The following HGF variants were observed in gnomAD, a reference collection of about 807,000 sequenced individuals.
HGF encodes fibroblast-derived tumor cytotoxic factor.
HGF carries 39 observed loss-of-function variants against 111.6 expected under a neutral mutation model. The ratio of observed to expected loss-of-function variants is 0.35; its 90% CI spans 0.27 to 0.46. The LOEUF is 0.46. Among genes scored for constraint, HGF ranks in the 20% least tolerant of loss-of-function variants. HGF has a pLI of 1.00. For synonymous variants in HGF, 285 were observed against 294.8 expected (o/e 0.97, Z 0.34); for missense variants, 735 against 910.5 (o/e 0.81, Z 2.48).
At position 81,706,287 on chromosome 7, in the gene HGF, C is replaced by A; in HGVS notation, c.1757G>T (p.Arg586Met). 6.2e-7 allele frequency: 1 copy of A among 1,612,388 alleles called. No individual in the cohort carries two copies. The highest frequency in any genetic ancestry group is 8.5e-7 in the Non-Finnish European group (1 of 1,178,918). Residue 586 changes from arginine (R) to methionine (M), a missense_variant and splice_region_variant, in exon 15 of 18, where the codon AGG becomes ATG. Around this residue, in one of 3 missense-constraint regions of HGF, gnomAD observed 130 missense variants for 129.9 expected, o/e 1.00. Transcript: ENST00000222390. ...TACAAAATCTTCTAAAGTAACTAACCTGGCAAGCTTCATTAAAACCAGATC... is the reference window on the plus strand; with the variant it reads ...TACAAAATCTTCTAAAGTAACTAACATGGCAAGCTTCATTAAAACCAGATC... ...GSDLVLMKLA[R>M]PAVLDDFVST...
intron 1 of HGF, among the ~76,000 whole-genome samples, chr7:81,765,739 A>G (rs13243759): frequency 9.7e-4 from 147 of 152,322 alleles, no homozygotes; most frequent in Non-Finnish European, 1.9e-3. Flanking sequence ...AGCATCTGAA[A>G]ATAAAATTCC....
chr7:81,705,762 A>G lies in HGF; in HGVS notation c.1758-9T>C. 3 of 1,513,932 alleles carry G rather than the reference A, an allele frequency of 2.0e-6. No individual in the cohort carries two copies. The highest frequency in any genetic ancestry group is 2.8e-6 in the Non-Finnish European group (3 of 1,089,244). 93.8% of individuals were successfully genotyped at this position (1,513,932 alleles called of 1,614,324 possible). A position where few individuals can be genotyped will look rare whatever the true frequency, so the allele number is the denominator to read the frequency against. On this transcript the variant is annotated splice_polypyrimidine_tract_variant and intron_variant, in intron 15 of 17. Transcript: ENST00000222390. ...CATCCAGGACAGCAGGCCTGAAAACACAAAATACAATGGTAAGTACTCTCA... is the reference window on the plus strand; with the variant it reads ...CATCCAGGACAGCAGGCCTGAAAACGCAAAATACAATGGTAAGTACTCTCA...
chr7:81,728,599 A>C (rs1319802626), intron 8 of HGF, among the ~76,000 whole-genome samples: 3 of 152,246 alleles, frequency 2.0e-5, no homozygotes, highest in Non-Finnish European at 4.4e-5. Context: ...TAAACCCAGC[A>C]TGACAACTGT....
At chr7:81,733,609 C>T (rs146008937) in intron 7 of HGF, among the ~76,000 whole-genome samples, 187 of 152,000 alleles carry the variant, frequency 1.2e-3, no homozygotes, top group Non-Finnish European at 1.7e-3. Context: ...TAGAAGTCAC[C>T]CCATAAATAA....
In HGF at chr7:81,720,907, G is replaced by A. The variant is rs10272030; in HGVS notation, c.1169-60C>T. ...ATATCAAGGCAGATAAAACAAAAAG[G>A]TTTTTTACAAGTATATGGAATCATG... On this transcript the variant is annotated intron_variant, in intron 9 of 17. Coordinates refer to ENST00000222390, the MANE Select transcript of HGF (RefSeq NM_000601.6). The A allele has an allele frequency of 0.82, 750,497 of 913,342 alleles. 309,584 individuals carry two copies. The highest frequency in any genetic ancestry group is 0.96 in the African/African-American group (58,509 of 61,256). 56.6% of individuals were successfully genotyped at this position (913,342 alleles called of 1,614,324 possible).
intron 7 of HGF, chr7:81,743,076 T>C (rs539542992): frequency 8.1e-5 from 71 of 871,606 alleles, no homozygotes; most frequent in Non-Finnish European, 1.2e-4. Context: ...CTGTGGTTTT[T>C]TAAATTTTCT....
At chr7:81,736,305 T>C (rs900621687) in intron 7 of HGF, among the ~76,000 whole-genome samples, 1 of 152,128 alleles carries the variant, frequency 6.6e-6, no homozygotes, top group Non-Finnish European at 1.5e-5. Flanking sequence ...CATTCCTTTG[T>C]CTAGCATTGT....
At chr7:81,744,892 G>C in intron 6 of HGF, 108 bp downstream of exon 6, 3 of 1,209,608 alleles carry the variant, frequency 2.5e-6, no homozygotes, top group Admixed American at 3.5e-5. Context: ...TTATGTTCAT[G>C]TCCTATCGGG....
At chr7:81,760,682 T>TGCGTGTGTGC (rs558018961) in intron 2 of HGF, among the ~76,000 whole-genome samples, 2 of 7,560 alleles carry the variant, frequency 2.6e-4, no homozygotes, top group African/African-American at 3.1e-4. Context: ...TGTGCGTGCG[T>TGCGTGTGTGC]GTGTGTGTGT....
chr7:81,750,698 T>C (rs1788455239), intron 5 of HGF, among the ~76,000 whole-genome samples: 1 of 152,148 alleles, frequency 6.6e-6, no homozygotes, highest in African/African-American at 2.4e-5. Flanking sequence ...AATAGTAAGC[T>C]GTTTAAAGTT....
chr7:81,710,692 G>A (rs1359239171), intron 12 of HGF, among the ~76,000 whole-genome samples: 1 of 152,104 alleles, frequency 6.6e-6, no homozygotes, highest in African/African-American at 2.4e-5. Context: ...TTAGATTGTA[G>A]ATTTATTCAA....
Position 81,702,540 on chromosome 7 carries a change from GAC to G in HGF, c.*39_*40del, listed in dbSNP as rs1789308578. On this transcript the variant is annotated 3_prime_UTR_variant, in exon 18 of 18. Coordinates refer to ENST00000222390, the MANE Select transcript of HGF (RefSeq NM_000601.6). ...CATTCTCTGAAATCTTCATGTAAAA[GAC>G]AGTTGTATTGGTGGGTGCTTCAGAC... is the stretch of plus-strand genomic sequence containing the variant. The G allele has an allele frequency of 6.8e-7, 1 of 1,477,082 alleles. No homozygotes were observed. The highest frequency in any genetic ancestry group is 2.3e-5 in the East Asian group (1 of 44,148). 91.5% of individuals were successfully genotyped at this position (1,477,082 alleles called of 1,614,324 possible). A position where few individuals can be genotyped will look rare whatever the true frequency, so the allele number is the denominator to read the frequency against.
rs5745673 is a variant in HGF, at chr7:81,743,685, A to G, written c.747-214T>C. On this transcript the variant is annotated intron_variant, in intron 6 of 17. Transcript: ENST00000222390. Reference sequence around the variant, plus strand: ...AGGACAGAGTATCATCCCCTGGCTAATAAGTTAGGTCTATGTGGTACCTTT... The same window carrying G: ...AGGACAGAGTATCATCCCCTGGCTAGTAAGTTAGGTCTATGTGGTACCTTT... Among the ~76,000 whole-genome samples the G allele has an allele frequency of 0.011, 1,615 of 152,248 alleles. 31 individuals are homozygous for G. The highest frequency in any genetic ancestry group is 0.036 in the African/African-American group (1,507 of 41,548).
Position 81,770,003 on chromosome 7 carries a change from GGAGGA to G in HGF, c.-37_-33del. ...GCTGGACGGGCTGGCGGATCCCTCT[GGAGGA>G]GATGCCTGGGTGAAAGAATCCTGTT... On this transcript the variant is annotated 5_prime_UTR_variant, in exon 1 of 18. Transcript: ENST00000222390. 6.7e-7 allele frequency: 1 copy of G among 1,486,276 alleles called. No homozygotes were observed. Among genetic ancestry groups the G allele is most frequent in the Non-Finnish European group, 9.2e-7 (1 of 1,089,774 alleles). 92.1% of individuals were successfully genotyped at this position (1,486,276 alleles called of 1,614,324 possible).
chr7:81,737,824 C>G (rs1178263636), intron 7 of HGF, among the ~76,000 whole-genome samples: 1 of 152,076 alleles, frequency 6.6e-6, no homozygotes, highest in Non-Finnish European at 1.5e-5. Flanking sequence ...ATAATCCACA[C>G]AGATAATTTG....
chr7:81,713,642 A>C (rs1224829884), intron 11 of HGF, among the ~76,000 whole-genome samples: 5 of 152,254 alleles, frequency 3.3e-5, no homozygotes, highest in East Asian at 3.9e-4. Context: ...ACACTTTAGC[A>C]TAAACTGAAA....
intron 7 of HGF, chr7:81,742,852 A>G: frequency 3.8e-6 from 6 of 1,596,256 alleles, no homozygotes; most frequent in Non-Finnish European, 5.1e-6. Context: ...GATTAGAGAC[A>G]TCTGTGATAA....
chr7:81,713,968 G>A (rs560950491), intron 11 of HGF, among the ~76,000 whole-genome samples: 4 of 146,864 alleles, frequency 2.7e-5, no homozygotes, highest in Admixed American at 7.1e-5. Context: ...TTTTACCTAC[G>A]GAAGGGTAGG....
At chr7:81,742,021 AT>A (rs998836978) in intron 7 of HGF, among the ~76,000 whole-genome samples, 3 of 151,216 alleles carry the variant, frequency 2.0e-5, no homozygotes, top group African/African-American at 7.3e-5. Context: ...CAGTTGGTTT[AT>A]TATACCTAAC....
Sources: gnomAD v4.1 joint callset for allele counts (sites outside exome capture counted in the v4.1 genomes callset) on GRCh38, gnomAD v4.1.1 for gene constraint, gnomAD v4.1.1 regional missense constraint, MANE v1.5 for transcripts, NCBI Gene and HGNC (gene_info 2026-07-23, HGNC 2026-07-21) for gene names.